TADA2A: variants seen among roughly 807,000 people sequenced by gnomAD.
TADA2A encodes the protein transcriptional adapter 2-alpha.
TADA2A carries 38 observed loss-of-function variants against 67.4 expected under a neutral mutation model. That is an observed-to-expected ratio of 0.56 (90% confidence interval 0.44 to 0.74). The LOEUF is 0.74. TADA2A is among the 30% of genes least tolerant of loss of function. The pLI, the probability that TADA2A is intolerant of heterozygous loss-of-function variation, is 0.00. For missense variants in TADA2A, 454 were observed against 547.0 expected (o/e 0.83, Z 1.70); for synonymous variants, 192 against 181.6 (o/e 1.06, Z -0.46).
At chr17:37,464,831 T>C in intron 10 of TADA2A, among the ~76,000 whole-genome samples, 1 of 112,082 alleles carries the variant, frequency 8.9e-6, no homozygotes, top group African/African-American at 3.9e-5. Context: ...AGAGCAAGAC[T>C]CCATCTCAAA....
chr17:37,450,060 A>G (rs2053189491), intron 8 of TADA2A, among the ~76,000 whole-genome samples: 1 of 152,186 alleles, frequency 6.6e-6, no homozygotes, highest in Non-Finnish European at 1.5e-5. Flanking sequence ...TACATTAACG[A>G]TAGCTGATGA....
chr17:37,471,046 C>G (rs371074622), intron 13 of TADA2A, 48 bp from the exon 14 acceptor site: 85 of 1,608,372 alleles, frequency 5.3e-5, no homozygotes, highest in Non-Finnish European at 7.1e-5. Flanking sequence ...TTTTGGAAAT[C>G]ACCTTGTTTG....
rs554607596 is a variant in TADA2A at position 37,423,389 on chromosome 17, C to T, written c.26-120C>T. The T allele has an allele frequency of 4.8e-5, 35 of 723,844 alleles. No homozygotes were observed. In the South Asian group the frequency reaches 7.1e-4, roughly 15 times the overall value. 44.8% of individuals were successfully genotyped at this position (723,844 alleles called of 1,614,324 possible). A position where few individuals can be genotyped will look rare whatever the true frequency, so the allele number is the denominator to read the frequency against. ...TTTATTTGTAATGAGCTCATCTTGT[C>T]TCCATGAACTTTTCAGCTTAGCTCA... On this transcript the variant is annotated intron_variant, in intron 2 of 15. Coordinates refer to ENST00000615182, the MANE Select transcript of TADA2A (RefSeq NM_001166105.3).
At chr17:37,427,478 C>T (rs1354779281) in intron 4 of TADA2A, among the ~76,000 whole-genome samples, 1 of 152,110 alleles carries the variant, frequency 6.6e-6, no homozygotes, top group Non-Finnish European at 1.5e-5. Context: ...GTGAACACAG[C>T]AAATGAATTA....
At position 37,430,571 on chromosome 17, in the gene TADA2A, A is replaced by G. The variant is rs2052540247; in HGVS notation, c.192+3562A>G. 4.6e-5 allele frequency among the ~76,000 whole-genome samples: 7 copies of G among 152,194 alleles called. No individual in the cohort carries two copies. The South Asian group carries it at 1.5e-3, about 32-fold the overall frequency. On this transcript the variant is annotated intron_variant, in intron 4 of 15. Transcript: ENST00000615182. ...ACAAGTCAAGGCAGCTCTTTCTGCCACACCCTTTTATACCAGTGATTCTTA... is the reference window on the plus strand; with the variant it reads ...ACAAGTCAAGGCAGCTCTTTCTGCCGCACCCTTTTATACCAGTGATTCTTA...
chr17:37,472,916 A>C (rs2053820046), intron 14 of TADA2A, among the ~76,000 whole-genome samples: 1 of 114,170 alleles, frequency 8.8e-6, no homozygotes, highest in Non-Finnish European at 1.8e-5. Flanking sequence ...TAACATGATC[A>C]TATATTTTTG....
At chr17:37,462,239 C>T in intron 10 of TADA2A, 118 bp downstream of exon 10, 1 of 655,456 alleles carries the variant, frequency 1.5e-6, no homozygotes, top group Non-Finnish European at 2.6e-6. Flanking sequence ...GCTATCACTC[C>T]AGACTAATGA....
At chr17:37,476,124 A>G (rs2053888000) in intron 15 of TADA2A, among the ~76,000 whole-genome samples, 2 of 152,190 alleles carry the variant, frequency 1.3e-5, no homozygotes, top group African/African-American at 4.8e-5. Flanking sequence ...GTATCTATGT[A>G]TTGCTGAAGG....
At chr17:37,458,459 TTTTA>T (rs1271941750) in intron 8 of TADA2A, 61 bp from the exon 9 acceptor site, 72 of 1,113,610 alleles carry the variant, frequency 6.5e-5, no homozygotes, top group East Asian at 1.1e-4. Context: ...TTTGTCTTGG[TTTTA>T]TTTATTTATA....
At chr17:37,467,384 T>C (rs1313362539) in intron 11 of TADA2A, 70 bp from the exon 12 acceptor site, 7 of 1,288,704 alleles carry the variant, frequency 5.4e-6, no homozygotes, top group Non-Finnish European at 6.7e-6. Flanking sequence ...AAATGCTCAA[T>C]AGCAAAAGTG....
rs1192741900 is a variant in TADA2A, at chr17:37,427,021, G to A, written c.192+12G>A. 1.9e-6 allele frequency: 3 copies of A among 1,568,056 alleles called. 1 individual carries two copies. In the South Asian group the frequency reaches 3.7e-5, roughly 19 times the overall value. On this transcript the variant is annotated intron_variant, in intron 4 of 15. Transcript: ENST00000615182. The stretch of plus-strand genomic sequence containing the variant: ...CTTATGAAATAATGGTAATGATGAA[G>A]TTGCTGGGAATTTCTGTTCACTTTT...
At chr17:37,457,341 C>A (rs1246352090) in intron 8 of TADA2A, among the ~76,000 whole-genome samples, 1 of 151,440 alleles carries the variant, frequency 6.6e-6, no homozygotes, top group Non-Finnish European at 1.5e-5. Context: ...CCACCACGCC[C>A]AGCCAATATT....
At chr17:37,428,693 C>T (rs2147938616) in intron 4 of TADA2A, among the ~76,000 whole-genome samples, 1 of 152,294 alleles carries the variant, frequency 6.6e-6, no homozygotes, top group Admixed American at 6.5e-5. Flanking sequence ...GCTATCCTAT[C>T]TCAGCCACCT....
At chr17:37,464,382 T>C (rs2053614002) in intron 10 of TADA2A, among the ~76,000 whole-genome samples, 1 of 152,234 alleles carries the variant, frequency 6.6e-6, no homozygotes, top group South Asian at 2.1e-4. Flanking sequence ...TTTTCTCAGC[T>C]AATGGGAAAT....
In TADA2A at chr17:37,465,485, G is replaced by T; in HGVS notation, c.767G>T (p.Arg256Leu). 6.2e-7 allele frequency: 1 copy of T among 1,614,072 alleles called. No homozygotes were observed. The highest frequency in any genetic ancestry group is 1.1e-5 in the South Asian group (1 of 91,084). ...EVQDLYETMR[R>L]FARIVGPVEH... ...CAGGACCTGTATGAAACAATGAGGC[G>T]ATTTGCAAGAATTGTGGGGCCAGTG... The change falls in exon 11 of 16, where the codon CGA becomes CTA. Residue 256 changes from arginine to leucine, a missense_variant. Arg to Leu is a moderately radical substitution (Grantham distance 102). Coordinates refer to ENST00000615182, the MANE Select transcript of TADA2A (RefSeq NM_001166105.3).
At chr17:37,471,530 CAG>C (rs1437862248) in intron 14 of TADA2A, among the ~76,000 whole-genome samples, 33 of 152,184 alleles carry the variant, frequency 2.2e-4, no homozygotes, top group Non-Finnish European at 4.0e-4. Flanking sequence ...TTTTTTGAGA[CAG>C]AGTCTCGGTC....
chr17:37,443,204 A>C (rs1178485366), intron 7 of TADA2A, among the ~76,000 whole-genome samples: 2 of 151,948 alleles, frequency 1.3e-5, no homozygotes, highest in Non-Finnish European at 2.9e-5. Flanking sequence ...CTTAAGTTGC[A>C]TCAGTGCTGG....
At chr17:37,427,188 T>G (rs1305316346) in intron 4 of TADA2A, among the ~76,000 whole-genome samples, 179 bp downstream of exon 4, 2 of 152,232 alleles carry the variant, frequency 1.3e-5, no homozygotes, top group African/African-American at 4.8e-5. Context: ...TCCAATAAGT[T>G]TTTTAGGGTT....
rs150034931 is a variant in TADA2A at position 37,421,911 on chromosome 17, C to G, written c.26-1598C>G. ...ATTTTTTTTTGGAGACGGAGTCTCT[C>G]TCTGTTGCCCAGACTGGAGTGCAGT... On this transcript the variant is annotated intron_variant, in intron 2 of 15. Coordinates refer to ENST00000615182, the MANE Select transcript of TADA2A (RefSeq NM_001166105.3). Among the ~76,000 whole-genome samples, 66 of 145,818 alleles carry G rather than the reference C, an allele frequency of 4.5e-4. 2 individuals carry two copies. The highest frequency in any genetic ancestry group is 1.6e-3 in the African/African-American group (63 of 40,302).
Sources: allele counts gnomAD v4.1 joint callset (sites outside exome capture counted in the v4.1 genomes callset), GRCh38; gene constraint gnomAD v4.1.1; transcripts MANE v1.5; gene names NCBI Gene and HGNC (gene_info 2026-07-23, HGNC 2026-07-21).